MNT: variants seen among roughly 807,000 people sequenced by gnomAD.
The protein encoded by MNT is MAX network transcriptional repressor.
Under a neutral mutation model 40.7 loss-of-function variants are expected in MNT, and 13 were observed. The observed-to-expected ratio is 0.32, with a 90% CI of 0.21 to 0.51. MNT has a LOEUF of 0.51. Among genes scored for constraint, MNT ranks in the 20% least tolerant of loss-of-function variants. MNT has a pLI of 0.98. For synonymous variants in MNT, 426 were observed against 354.8 expected (o/e 1.20, Z -2.26); for missense variants, 757 against 792.0 (o/e 0.96, Z 0.53).
Position 2,394,916 on chromosome 17 carries a change from A to T in MNT, c.612T>A (p.Ala204=). 6.2e-7 allele frequency: 1 copy of T among 1,605,088 alleles called. No homozygotes were observed. The highest frequency in any genetic ancestry group is 8.5e-7 in the Non-Finnish European group (1 of 1,176,384). ...TCTGTTCACTGGATTTGACTTCTTCAGCTGGTGCCAACTTCAGGGTCCCCA... is the reference window on the plus strand; with the variant it reads ...TCTGTTCACTGGATTTGACTTCTTCTGCTGGTGCCAACTTCAGGGTCCCCA... ...PTLGTLKLAP[A]EEVKSSEQKK... Residue 204 remains alanine, a synonymous_variant, in exon 2 of 6, where the codon GCT becomes GCA. Transcript: ENST00000174618.
Position 2,387,175 on chromosome 17 carries a change from G to C in MNT, c.1475C>G (p.Thr492Ser). The C allele has an allele frequency of 6.2e-7, 1 of 1,606,284 alleles. No individual in the cohort carries two copies. The highest frequency in any genetic ancestry group is 8.5e-7 in the Non-Finnish European group (1 of 1,177,196). The change falls in exon 6 of 6, where the codon ACT becomes AGT. Residue 492 changes from threonine to serine, a missense_variant. Physicochemically the swap from Thr to Ser is moderately conservative, Grantham distance 58 (BLOSUM62 1). Around this residue, in one of 4 missense-constraint regions of MNT, gnomAD observed 345 missense variants for 380.1 expected, o/e 0.91. Transcript: ENST00000174618. ...APATPPIGHI[T>S]VHPATLNHVA... The stretch of plus-strand genomic sequence containing the variant: ...ATGGTTGAGGGTGGCAGGGTGCACA[G>C]TGATGTGCCCAATGGGGGGTGTGGC...
intron 4 of MNT, chr17:2,390,482 T>C (rs62067045): frequency 0.081 from 12,322 of 152,234 alleles, 608 homozygotes; most frequent in South Asian, 0.13. Flanking sequence ...AGCCCTCCTG[T>C]GAACTGTGCA....
rs750634463 is a variant in MNT at position 2,394,056 on chromosome 17, A to C, written c.794T>G (p.Leu265Arg). The C allele has an allele frequency of 6.2e-7, 1 of 1,604,118 alleles. No individual in the cohort carries two copies. The change falls in exon 4 of 6, where the codon CTG becomes CGG. Residue 265 changes from leucine (L) to arginine (R), a missense_variant. Physicochemically the swap from Leu to Arg is moderately radical, Grantham distance 102. Transcript: ENST00000174618. Reference sequence around the variant, plus strand: ...CGGGCCCCATACCTGGATGTACCGCAGCGCCGTCCGCAGCACGCTCAGATT... The same window carrying C: ...CGGGCCCCATACCTGGATGTACCGCCGCGCCGTCCGCAGCACGCTCAGATT... The part of the protein sequence containing the change: ...TSNLSVLRTA[L>R]RYIQSLKRKE...
chr17:2,394,507 CT>C (rs1468432210), intron 2 of MNT, among the ~76,000 whole-genome samples, 161 bp from the exon 3 acceptor site: 2 of 152,114 alleles, frequency 1.3e-5, no homozygotes, highest in Non-Finnish European at 2.9e-5. Context: ...CGCCCACCCC[CT>C]GGAGGACACA....
intron 2 of MNT, 30 bp from the exon 3 acceptor site, chr17:2,394,376 G>C: frequency 6.2e-7 from 1 of 1,613,282 alleles, no homozygotes; most frequent in South Asian, 1.1e-5. Context: ...GAGGCTCAGG[G>C]AGGAGGACTC....
Position 2,394,967 on chromosome 17 carries a change from G to A in MNT, c.561C>T (p.Ala187=), listed in dbSNP as rs1487478492. 1.9e-6 allele frequency: 3 copies of A among 1,606,964 alleles called. No individual in the cohort carries two copies. The highest frequency in any genetic ancestry group is 2.7e-5 in the African/African-American group (2 of 74,928). ...GCGTGGGTGGGGGCGGCTGCTGGGGGGCCAGCTGAGGCTGGACTCCAGGGT... is the reference window on the plus strand; with the variant it reads ...GCGTGGGTGGGGGCGGCTGCTGGGGAGCCAGCTGAGGCTGGACTCCAGGGT... ...APHPGVQPQL[A]PQQPPPPTLG... The change falls in exon 2 of 6, where the codon GCC becomes GCT. Residue 187 remains alanine (A), a synonymous_variant. Transcript: ENST00000174618.
intron 1 of MNT, chr17:2,400,407 G>A: frequency 2.3e-6 from 1 of 435,504 alleles, no homozygotes; most frequent in Non-Finnish European, 4.1e-6. Flanking sequence ...CCACGCAGCC[G>A]GGGTGGCGCC....
chr17:2,393,954 G>T, intron 4 of MNT, 89 bp downstream of exon 4: 2 of 807,776 alleles, frequency 2.5e-6, no homozygotes, highest in Non-Finnish European at 3.5e-6. Context: ...AGCCGCCGGG[G>T]CGTGAGGGCG....
At chr17:2,398,897 G>C (rs1208879166) in intron 1 of MNT, among the ~76,000 whole-genome samples, 2 of 152,072 alleles carry the variant, frequency 1.3e-5, no homozygotes, top group African/African-American at 4.8e-5. Context: ...CAAAACCCAG[G>C]CATCTGAGCC....
chr17:2,393,338 G>A (rs926121879), intron 4 of MNT, among the ~76,000 whole-genome samples: 3 of 152,186 alleles, frequency 2.0e-5, no homozygotes, highest in Non-Finnish European at 1.5e-5. Flanking sequence ...TGCAGAGGGA[G>A]CGACGCCCAA....
At chr17:2,393,461 GC>G (rs1206416459) in intron 4 of MNT, among the ~76,000 whole-genome samples, 1 of 152,030 alleles carries the variant, frequency 6.6e-6, no homozygotes, top group Non-Finnish European at 1.5e-5. Context: ...GGGGCTGTTT[GC>G]CGCCCAGTCA....
intron 1 of MNT, 42 bp from the exon 2 acceptor site, chr17:2,395,496 C>A: frequency 6.2e-7 from 1 of 1,603,542 alleles, no homozygotes; most frequent in Non-Finnish European, 8.5e-7. Context: ...CTCAGCGGGG[C>A]CCCAGAACTC....
chr17:2,393,393 C>T (rs1451784202), intron 4 of MNT, among the ~76,000 whole-genome samples: 5 of 152,206 alleles, frequency 3.3e-5, no homozygotes, highest in Non-Finnish European at 5.9e-5. Context: ...AAAGAGACAC[C>T]CCCTCTTCCT....
chr17:2,388,477 G>A (rs1405052543), intron 4 of MNT, among the ~76,000 whole-genome samples: 2 of 151,984 alleles, frequency 1.3e-5, no homozygotes, highest in Non-Finnish European at 2.9e-5. Flanking sequence ...ATCCTTGCAC[G>A]ATGAGCCACT....
intron 4 of MNT, among the ~76,000 whole-genome samples, chr17:2,392,996 G>C (rs1037995231): frequency 6.6e-6 from 1 of 152,060 alleles, no homozygotes; most frequent in Non-Finnish European, 1.5e-5. Flanking sequence ...CCCCGCGGTC[G>C]AGGCCGGGGG....
chr17:2,399,227 G>C (rs1257973307), intron 1 of MNT, among the ~76,000 whole-genome samples: 3 of 152,106 alleles, frequency 2.0e-5, no homozygotes, highest in Non-Finnish European at 4.4e-5. Context: ...TTCCAGAGCC[G>C]AGGCCCTGGC....
At chr17:2,396,864 G>A (rs2066581967) in intron 1 of MNT, 2 of 152,476 alleles carry the variant, frequency 1.3e-5, no homozygotes, top group South Asian at 2.1e-4. Flanking sequence ...ACCCGGGCAA[G>A]GGGTGGCGTG....
intron 4 of MNT, among the ~76,000 whole-genome samples, chr17:2,389,104 C>T (rs544388061): frequency 6.6e-6 from 1 of 152,158 alleles, no homozygotes; most frequent in Admixed American, 6.5e-5. Context: ...CTTATCTGCC[C>T]GTGCTCCAAG....
chr17:2,395,204 G>T lies in MNT; in HGVS notation c.324C>A (p.Pro108=). 5 of 1,466,484 alleles carry T rather than the reference G, an allele frequency of 3.4e-6. No homozygotes were observed. The South Asian group carries it at 6.8e-5, about 20-fold the overall frequency. 90.8% of individuals were successfully genotyped at this position (1,466,484 alleles called of 1,614,324 possible). The part of the protein sequence containing the change: ...PQPLPPPPPL[P]AAAQPLPLAP... The stretch of plus-strand genomic sequence containing the variant: ...CCAGGGGCAGAGGCTGGGCTGCCGC[G>T]GGCAAGGGTGGGGGTGGGGGTAGAG... Residue 108 remains proline (P), a synonymous_variant, in exon 2 of 6, where the codon CCC becomes CCA. Transcript: ENST00000174618.
Sources: allele counts gnomAD v4.1 joint callset (sites outside exome capture counted in the v4.1 genomes callset), GRCh38; gene constraint gnomAD v4.1.1; regional missense constraint gnomAD v4.1.1; transcripts MANE v1.5; gene names NCBI Gene and HGNC (gene_info 2026-07-23, HGNC 2026-07-21).